Variants in ANAPC2 observed in about 807,000 individuals in gnomAD.
The protein encoded by ANAPC2 is anaphase promoting complex subunit 2.
Under a neutral mutation model 84.3 loss-of-function variants are expected in ANAPC2, and 29 were observed. That is an observed-to-expected ratio of 0.34 (90% confidence interval 0.26 to 0.47). The LOEUF (loss-of-function observed/expected upper bound fraction) is 0.47. ANAPC2 is among the 20% of genes least tolerant of loss of function. The pLI is 1.00. For synonymous variants in ANAPC2, 571 were observed against 479.4 expected, an observed-to-expected ratio of 1.19 and a Z score of -2.50; for missense variants, 857 against 1,131.7, an observed-to-expected ratio of 0.76 and a Z score of 3.48.
intron 10 of ANAPC2, 89 bp downstream of exon 10, chr9:137,180,092 G>T: frequency 7.1e-7 from 1 of 1,408,624 alleles, no homozygotes. Context: ...GGGTGACAAC[G>T]GGGCAGCCAC....
At chr9:137,180,077 C>A (rs1834309375) in intron 10 of ANAPC2, 104 bp downstream of exon 10, 13 of 1,299,096 alleles carry the variant, frequency 1.0e-5, no homozygotes, top group Non-Finnish European at 1.2e-5. Flanking sequence ...AACCCAGAGA[C>A]ACTCGGGTGA....
In ANAPC2 at chr9:137,180,303, C is replaced by T. The variant is rs370301376; in HGVS notation, c.1768G>A (p.Gly590Arg). 5.6e-6 allele frequency: 9 copies of T among 1,613,416 alleles called. No individual in the cohort carries two copies. The highest frequency in any genetic ancestry group is 2.7e-5 in the African/African-American group (2 of 74,962). ...KRPAEEQPPF[G>R]VYAVILSSEF... ...CTGGACAGGATGACAGCGTAGACCC[C>T]GAACGGTGGCTGCTCCTCTGCTGGC... Residue 590 changes from glycine to arginine, a missense_variant, in exon 10 of 13, where the codon GGG becomes AGG. Around this residue, in one of 3 missense-constraint regions of ANAPC2, gnomAD observed 425 missense variants for 595.5 expected, o/e 0.71. Transcript: ENST00000323927.
In ANAPC2 at chr9:137,175,291, G is replaced by A. The variant is rs143775204; in HGVS notation, c.2202C>T (p.Asp734=). The change falls in exon 12 of 13, where the codon GAC becomes GAT. Residue 734 remains aspartate, a synonymous_variant. Transcript: ENST00000323927. ...RDNMVLIDSD[D]ESDSGMASQA... ...GGGAGGCCATGCCGGAGTCGCTCTC[G>A]TCGTCACTGTCAATGAGCACCATGT... The A allele has an allele frequency of 6.5e-5, 105 of 1,612,546 alleles. 1 individual carries two copies. Among genetic ancestry groups the A allele is most frequent in the Middle Eastern group, 1.6e-4 (1 of 6,084 alleles).
At chr9:137,183,816 G>A (rs779983097) in intron 4 of ANAPC2, 25 bp from the exon 5 acceptor site, 15 of 1,611,936 alleles carry the variant, frequency 9.3e-6, no homozygotes, top group Admixed American at 6.7e-5. Context: ...ACATCCCTCA[G>A]GGACAGACAT....
At chr9:137,186,514 G>T in intron 2 of ANAPC2, 158 bp from the exon 3 acceptor site, 1 of 1,120,816 alleles carries the variant, frequency 8.9e-7, no homozygotes. Flanking sequence ...AGCTGTGGGG[G>T]GCGGTTGTAC....
chr9:137,177,368 C>T (rs1215004751), intron 10 of ANAPC2, among the ~76,000 whole-genome samples: 7 of 149,616 alleles, frequency 4.7e-5, no homozygotes, highest in South Asian at 2.1e-4. Flanking sequence ...GCTTGTCTTA[C>T]GGCTGAACTT....
At position 137,187,941 on chromosome 9, in the gene ANAPC2, C is replaced by T; in HGVS notation, c.280G>A (p.Ala94Thr). The change falls in exon 2 of 13, where the codon GCC (alanine) becomes ACC (threonine). Residue 94 changes from alanine to threonine, a missense_variant. Coordinates refer to ENST00000323927, the MANE Select transcript of ANAPC2 (RefSeq NM_013366.4). ...GCAGAGTTCTCGCATTGGGAGATGG[C>T]ATTCCAGAACTCAGGGGAGATGTTG... is the stretch of plus-strand genomic sequence containing the variant. ...QANISPEFWN[A>T]ISQCENSADE... 5.0e-6 allele frequency: 8 copies of T among 1,613,884 alleles called. No homozygotes were observed. Among genetic ancestry groups the T allele is most frequent in the South Asian group, 1.1e-5 (1 of 91,084 alleles).
In ANAPC2 at chr9:137,188,477, TC is replaced by T; in HGVS notation, c.55del (p.Glu19SerfsTer3). The T allele has an allele frequency of 6.2e-7, 1 of 1,610,136 alleles. No individual in the cohort carries two copies. Among genetic ancestry groups the T allele is most frequent in the Non-Finnish European group, 8.5e-7 (1 of 1,179,442 alleles). On this transcript the variant is annotated frameshift_variant, in exon 1 of 13. Transcript: ENST00000323927. LOFTEE classifies it high-confidence loss of function. The stretch of plus-strand genomic sequence containing the variant: ...CACGGTGTTCCAGGCCACTAACAAC[TC>T]CTGTCCGGGCCGGGAGTCGCTGTCC... ...EGDSDSRPGQ[E>X]LLVAWNTVST...
chr9:137,186,186 G>A (rs778409748), intron 3 of ANAPC2, 38 bp downstream of exon 3: 4 of 1,602,884 alleles, frequency 2.5e-6, no homozygotes, highest in Non-Finnish European at 3.4e-6. Context: ...CTACTCCCCT[G>A]TCTCCAGCGG....
chr9:137,175,887 G>A (rs547786165), intron 10 of ANAPC2, 50 bp from the exon 11 acceptor site: 30 of 1,538,518 alleles, frequency 1.9e-5, no homozygotes, highest in Non-Finnish European at 2.5e-5. Context: ...GGGCGCTCAG[G>A]CCCGTGGGCT....
chr9:137,175,020 G>A lies in ANAPC2; in HGVS notation c.2391C>T (p.Gly797=). 6.2e-7 allele frequency: 1 copy of A among 1,604,346 alleles called. No homozygotes were observed. The highest frequency in any genetic ancestry group is 8.5e-7 in the Non-Finnish European group (1 of 1,176,330). The part of the protein sequence containing the change: ...LAEIDLQELQ[G]YLQKKVRDQQ... ...GGTCCCGCACCTTCTTCTGCAGGTA[G>A]CCCTGCAGCTCCTGCAGGTCAATCT... The change falls in exon 13 of 13, where the codon GGC becomes GGT. Residue 797 remains glycine, a synonymous_variant. Coordinates refer to ENST00000323927, the MANE Select transcript of ANAPC2 (RefSeq NM_013366.4).
intron 9 of ANAPC2, 21 bp downstream of exon 9, chr9:137,180,431 G>A (rs531251486): frequency 6.2e-7 from 1 of 1,612,720 alleles, no homozygotes; most frequent in South Asian, 1.1e-5. Context: ...CGGCCGGGCA[G>A]CGGGCGGGGC....
chr9:137,180,981 G>A (rs1037580339), intron 7 of ANAPC2, 52 bp from the exon 8 acceptor site: 2 of 1,595,404 alleles, frequency 1.3e-6, no homozygotes. Flanking sequence ...GGCAAGGACA[G>A]GGCCGCCCTC....
chr9:137,181,184 C>T (rs1410649730), intron 7 of ANAPC2, among the ~76,000 whole-genome samples: 1 of 152,240 alleles, frequency 6.6e-6, no homozygotes, highest in Admixed American at 6.5e-5. Context: ...AGCCAAAGGT[C>T]CTGGGGTTTT....
rs1175079962 is a variant in ANAPC2, at chr9:137,180,161, G to T, written c.1890+20C>A. 6.2e-7 allele frequency: 1 copy of T among 1,610,178 alleles called. No homozygotes were observed. The highest frequency in any genetic ancestry group is 8.5e-7 in the Non-Finnish European group (1 of 1,177,906). ...GGTAGGGGTGCCAAGAGCCCATGGGGTGGCCTGGCATGGAGGTACCTTGAG... is the reference window on the plus strand; with the variant it reads ...GGTAGGGGTGCCAAGAGCCCATGGGTTGGCCTGGCATGGAGGTACCTTGAG... On this transcript the variant is annotated intron_variant, in intron 10 of 12. Transcript: ENST00000323927.
Position 137,184,993 on chromosome 9 carries a change from C to T in ANAPC2, c.968G>A (p.Arg323His), listed in dbSNP as rs1224640561. 11 of 1,609,986 alleles carry T rather than the reference C, an allele frequency of 6.8e-6. No homozygotes were observed. The highest frequency in any genetic ancestry group is 5.3e-5 in the African/African-American group (4 of 74,888). Reference sequence around the variant, plus strand: ...GAACCTTTGCACGTGGCAGCGCCAGCGGCGCAGGGTGTTGCCGGCCTCGGG... The same window carrying T: ...GAACCTTTGCACGTGGCAGCGCCAGTGGCGCAGGGTGTTGCCGGCCTCGGG... ...ASPEAGNTLRRWRCHVQRFFY... is the reference protein window; with the variant it reads ...ASPEAGNTLRHWRCHVQRFFY... Residue 323 changes from arginine (R) to histidine (H), a missense_variant, in exon 4 of 13, where the codon CGC (arginine) becomes CAC (histidine). This residue lies in a region of ANAPC2 where 428 missense variants were observed against 513.8 expected (regional missense o/e 0.83). Transcript: ENST00000323927.
At chr9:137,183,419 G>A (rs367966232) in intron 5 of ANAPC2, 177 bp from the exon 6 acceptor site, 10 of 749,124 alleles carry the variant, frequency 1.3e-5, no homozygotes, top group South Asian at 8.6e-5. Flanking sequence ...GCCCTGCAGG[G>A]AGGTCTGTTC....
intron 2 of ANAPC2, 46 bp from the exon 3 acceptor site, chr9:137,186,402 C>T (rs773555614): frequency 1.9e-6 from 3 of 1,544,856 alleles, no homozygotes; most frequent in Non-Finnish European, 8.7e-7. Context: ...ACACACCGGC[C>T]CCTCTAGCCC....
rs554479705 is a variant in ANAPC2 at position 137,184,131 on chromosome 9, C to A, written c.1049-340G>T. Reference sequence around the variant, plus strand: ...CGCCGCAGTGGGGACAGTCCCAGCACTGCCCGGTGCACCCCCCTGCAAGAG... The same window carrying A: ...CGCCGCAGTGGGGACAGTCCCAGCAATGCCCGGTGCACCCCCCTGCAAGAG... On this transcript the variant is annotated intron_variant, in intron 4 of 12. Transcript: ENST00000323927. Among the ~76,000 whole-genome samples the A allele has an allele frequency of 6.6e-5, 10 of 152,386 alleles. No individual in the cohort carries two copies. The South Asian group carries it at 2.1e-3, about 32-fold the overall frequency.
Sources: allele counts gnomAD v4.1 joint callset (sites outside exome capture counted in the v4.1 genomes callset), GRCh38; gene constraint gnomAD v4.1.1; regional missense constraint gnomAD v4.1.1; transcripts MANE v1.5; gene names NCBI Gene and HGNC (gene_info 2026-07-23, HGNC 2026-07-21).